Variants in CEP63 observed in about 807,000 individuals in gnomAD.
The protein encoded by CEP63 is centrosomal protein of 63 kDa.
CEP63 carries 84 observed loss-of-function variants against 89.1 expected under a neutral mutation model. The ratio of observed to expected loss-of-function variants is 0.94; its 90% confidence interval spans 0.79 to 1.13. The LOEUF is 1.13. Among genes scored for constraint, CEP63 ranks in the 50% most tolerant of loss-of-function variants. The pLI is 0.00. For synonymous variants in CEP63, 267 were observed against 272.5 expected (o/e 0.98, Z 0.20); for missense variants, 838 against 813.3 (o/e 1.03, Z -0.37).
chr3:134,527,498 G>C (rs951432744), intron 3 of CEP63, among the ~76,000 whole-genome samples: 2 of 152,130 alleles, frequency 1.3e-5, no homozygotes, highest in African/African-American at 4.8e-5. Flanking sequence ...CATGGGAAAT[G>C]AACTGCACTC....
chr3:134,743,258 CTG>C, the CEP63 span, among the ~76,000 whole-genome samples: 1,410 of 152,276 alleles, frequency 9.3e-3, 15 homozygotes, highest in African/African-American at 0.032. Flanking sequence ...GGTGAGTATT[CTG>C]TCTCACTGGA....
chr3:134,599,643 A>T, the CEP63 span, among the ~76,000 whole-genome samples: 1 of 152,222 alleles, frequency 6.6e-6, no homozygotes, highest in African/African-American at 2.4e-5. Flanking sequence ...GATTGACTTT[A>T]AAATTTTCAA....
At chr3:134,534,870 C>T (rs138039360) in intron 5 of CEP63, among the ~76,000 whole-genome samples, 17 of 152,210 alleles carry the variant, frequency 1.1e-4, no homozygotes, top group African/African-American at 4.1e-4. Flanking sequence ...TCCCCACATC[C>T]TCACCTTTGG....
At chr3:134,668,188 G>C in the CEP63 span, among the ~76,000 whole-genome samples, 1 of 152,182 alleles carries the variant, frequency 6.6e-6, no homozygotes, top group Non-Finnish European at 1.5e-5. Context: ...CTTGGAACTG[G>C]AAGTGTGGAC....
chr3:134,648,483 C>A, the CEP63 span, among the ~76,000 whole-genome samples: 1 of 152,196 alleles, frequency 6.6e-6, no homozygotes, highest in Admixed American at 6.5e-5. Flanking sequence ...TTGCCCCAGG[C>A]AGCTATAGGC....
At chr3:134,583,266 C>T (rs1257213075) in intron 10 of CEP63, among the ~76,000 whole-genome samples, 1 of 152,144 alleles carries the variant, frequency 6.6e-6, no homozygotes. Context: ...TGCCTATGTC[C>T]TGAATGGTAT....
At chr3:134,721,744 C>T in the CEP63 span, among the ~76,000 whole-genome samples, 11 of 152,068 alleles carry the variant, frequency 7.2e-5, no homozygotes, top group South Asian at 1.7e-3. Flanking sequence ...GCTTTCTGTC[C>T]TTTATTTTAT....
At chr3:134,761,188 C>T in the CEP63 span, among the ~76,000 whole-genome samples, 1 of 152,314 alleles carries the variant, frequency 6.6e-6, no homozygotes, top group Non-Finnish European at 1.5e-5. Flanking sequence ...TGCTCAGATG[C>T]CCCTACTCCC....
At chr3:134,552,153 C>T in intron 12 of CEP63, 141 bp downstream of exon 12, 1 of 541,836 alleles carries the variant, frequency 1.8e-6, no homozygotes, top group Admixed American at 3.2e-5. Context: ...GAAGGTAAAA[C>T]AATACTGGAA....
At chr3:134,771,279 TA>T in the CEP63 span, among the ~76,000 whole-genome samples, 2 of 152,114 alleles carry the variant, frequency 1.3e-5, no homozygotes, top group Non-Finnish European at 2.9e-5. Context: ...TATGCAGCCA[TA>T]AAAAAGGATG....
At position 134,564,385 on chromosome 3, in the gene CEP63, C is replaced by T. The variant is rs1449362293; in HGVS notation, c.*2850C>T. On this transcript the variant is annotated 3_prime_UTR_variant, in exon 15 of 15. Transcript: ENST00000675561. ...TACTTGGCTACTTTATCTGGCTTGG[C>T]AAAGCTTTCCCATATCCCCTGACCC... 2 of 985,372 alleles carry T rather than the reference C, an allele frequency of 2.0e-6. No individual in the cohort carries two copies. The highest frequency in any genetic ancestry group is 2.4e-6 in the Non-Finnish European group (2 of 830,022). The allele number at this position is 985,372 out of a possible 1,614,324, so 61.0% of individuals were successfully genotyped here.
chr3:134,694,777 A>G, the CEP63 span, among the ~76,000 whole-genome samples: 1 of 152,314 alleles, frequency 6.6e-6, no homozygotes, highest in East Asian at 1.9e-4. Context: ...GGGTTCTGAC[A>G]CCCTGCAACC....
At chr3:134,609,633 C>T in the CEP63 span, among the ~76,000 whole-genome samples, 8 of 152,184 alleles carry the variant, frequency 5.3e-5, no homozygotes, top group African/African-American at 1.9e-4. Flanking sequence ...CCCCAGAGGA[C>T]AGAAATGCTC....
At chr3:134,715,107 C>A in the CEP63 span, among the ~76,000 whole-genome samples, 2 of 152,154 alleles carry the variant, frequency 1.3e-5, no homozygotes, top group Admixed American at 1.3e-4. Flanking sequence ...TGCTCTTTGT[C>A]CCAACTCTTT....
At chr3:134,732,473 G>A in the CEP63 span, among the ~76,000 whole-genome samples, 1 of 152,028 alleles carries the variant, frequency 6.6e-6, no homozygotes, top group African/African-American at 2.4e-5. Flanking sequence ...TTAAACTCAG[G>A]AAAGAAATGG....
chr3:134,598,165 C>T, the CEP63 span, among the ~76,000 whole-genome samples: 5 of 152,106 alleles, frequency 3.3e-5, no homozygotes, highest in Non-Finnish European at 5.9e-5. Context: ...TCTTTCAGCC[C>T]GTAAAATCAA....
intron 2 of CEP63, among the ~76,000 whole-genome samples, chr3:134,503,526 G>C (rs72972103): frequency 9.9e-5 from 15 of 152,144 alleles, no homozygotes; most frequent in African/African-American, 3.6e-4. Context: ...AGGTCTCTTT[G>C]GTCTGTAGTG....
rs1949922962 is a variant in CEP63, at chr3:134,531,909, A to G, written c.287A>G (p.Tyr96Cys). Residue 96 changes from tyrosine (Y) to cysteine (C), a missense_variant, in exon 4 of 15, where the codon TAT becomes TGT. By Grantham distance (194) the Tyr-to-Cys change is radical. Coordinates refer to ENST00000675561, the MANE Select transcript of CEP63 (RefSeq NM_001353108.3). ...ATCAAGCAAGAGATGACCATGGAATATAAGCAGGAGTTGAAGAAACTACAT... is the reference window on the plus strand; with the variant it reads ...ATCAAGCAAGAGATGACCATGGAATGTAAGCAGGAGTTGAAGAAACTACAT... ...EKIKQEMTME[Y>C]KQELKKLHEE... The G allele has an allele frequency of 6.2e-7, 1 of 1,613,424 alleles. No individual in the cohort carries two copies. Among genetic ancestry groups the G allele is most frequent in the Non-Finnish European group, 8.5e-7 (1 of 1,179,494 alleles).
At chr3:134,735,496 G>A in the CEP63 span, among the ~76,000 whole-genome samples, 1 of 152,096 alleles carries the variant, frequency 6.6e-6, no homozygotes, top group Non-Finnish European at 1.5e-5. Context: ...GCCCCGAAAT[G>A]TGAAAAATGT....
Sources: allele counts gnomAD v4.1 joint callset (sites outside exome capture counted in the v4.1 genomes callset), GRCh38; gene constraint gnomAD v4.1.1; transcripts MANE v1.5; gene names NCBI Gene and HGNC (gene_info 2026-07-23, HGNC 2026-07-21).